The following ALMS1 variants were observed in gnomAD, a reference collection of about 807,000 sequenced individuals.
The protein encoded by ALMS1 is centrosome-associated protein ALMS1.
A neutral mutation model predicts 352.2 loss-of-function variants in ALMS1; 271 were observed. That is an observed-to-expected ratio of 0.77 (90% confidence interval 0.70 to 0.85). ALMS1 has a LOEUF of 0.85. ALMS1 is among the 40% of genes least tolerant of loss of function. ALMS1 has a pLI of 0.00. For missense variants in ALMS1, 5,445 were observed against 4,870.7 expected (o/e 1.12, Z -3.51); for synonymous variants, 1,865 against 1,761.2 (o/e 1.06, Z -1.48).
chr2:73,608,338 G>C, intron 21 of ALMS1, 137 bp from the exon 22 acceptor site: 2 of 718,102 alleles, frequency 2.8e-6, no homozygotes, highest in East Asian at 5.3e-5. Context: ...AGTATCTAAC[G>C]GGGCCCAGGG....
At chr2:73,538,912 A>T (rs990275295) in intron 12 of ALMS1, among the ~76,000 whole-genome samples, 2 of 152,186 alleles carry the variant, frequency 1.3e-5, no homozygotes, top group East Asian at 1.9e-4. Context: ...GGAGCCCACC[A>T]TACCTCAAGG....
At chr2:73,539,270 A>T (rs1213375923) in intron 12 of ALMS1, among the ~76,000 whole-genome samples, 1 of 152,222 alleles carries the variant, frequency 6.6e-6, no homozygotes, top group Non-Finnish European at 1.5e-5. Flanking sequence ...ACCCAGGCAA[A>T]TAGGGTCTGG....
At chr2:73,455,503 A>G (rs1346973408) in intron 9 of ALMS1, among the ~76,000 whole-genome samples, 11 of 152,172 alleles carry the variant, frequency 7.2e-5, no homozygotes. Context: ...TCTTAGACTC[A>G]AGGAATCCTC....
intron 15 of ALMS1, among the ~76,000 whole-genome samples, chr2:73,570,616 A>G (rs1674907177): frequency 7.5e-6 from 1 of 133,742 alleles, no homozygotes; most frequent in Non-Finnish European, 1.6e-5. Context: ...CATACATACT[A>G]AATGATGTTT....
At chr2:73,407,098 G>A (rs547347271) in intron 1 of ALMS1, among the ~76,000 whole-genome samples, 1 of 152,192 alleles carries the variant, frequency 6.6e-6, no homozygotes, top group African/African-American at 2.4e-5. Context: ...AAGGTCAAGG[G>A]TGAGGGCCTG....
Position 73,451,623 on chromosome 2 carries a change from C to G in ALMS1, c.5096C>G (p.Ala1699Gly), listed in dbSNP as rs749855539. 6.2e-7 allele frequency: 1 copy of G among 1,613,702 alleles called. No homozygotes were observed. The highest frequency in any genetic ancestry group is 1.1e-5 in the South Asian group (1 of 91,042). The change falls in exon 8 of 23, where the codon GCC (alanine) becomes GGC (glycine). Residue 1699 changes from alanine to glycine, a missense_variant. Physicochemically the swap from Ala to Gly is moderately conservative, Grantham distance 60. Coordinates refer to ENST00000613296, the MANE Select transcript of ALMS1 (RefSeq NM_001378454.1). ...LKVPPVPGPD[A>G]QKTETPSVSS... Reference sequence around the variant, plus strand: ...GTTCCACCTGTTCCTGGACCAGATGCCCAGAAGACTGAGACACCATCAGTA... The same window carrying G: ...GTTCCACCTGTTCCTGGACCAGATGGCCAGAAGACTGAGACACCATCAGTA...
intron 7 of ALMS1, among the ~76,000 whole-genome samples, chr2:73,435,566 T>A (rs193143833): frequency 5.9e-5 from 9 of 151,958 alleles, no homozygotes; most frequent in African/African-American, 2.2e-4. Context: ...ATTATTGTTA[T>A]ACATACTACT....
intron 16 of ALMS1, among the ~76,000 whole-genome samples, chr2:73,577,388 ATTTG>A (rs1259815937): frequency 5.3e-5 from 8 of 150,876 alleles, no homozygotes; most frequent in Non-Finnish European, 8.9e-5. Context: ...GTTTCTAGAA[ATTTG>A]TTTATCTTTT....
chr2:73,561,860 A>G (rs1213894396), intron 15 of ALMS1, among the ~76,000 whole-genome samples: 1 of 152,190 alleles, frequency 6.6e-6, no homozygotes, highest in African/African-American at 2.4e-5. Context: ...TCTAGAAGAT[A>G]AGAAAAATTT....
At chr2:73,483,338 G>A (rs1215187261) in intron 9 of ALMS1, among the ~76,000 whole-genome samples, 1 of 151,514 alleles carries the variant, frequency 6.6e-6, no homozygotes, top group Non-Finnish European at 1.5e-5. Flanking sequence ...GTACCCAGTA[G>A]TCATTCAGGA....
intron 1 of ALMS1, among the ~76,000 whole-genome samples, chr2:73,400,300 G>T (rs1670849283): frequency 6.6e-6 from 1 of 152,156 alleles, no homozygotes; most frequent in Non-Finnish European, 1.5e-5. Context: ...AAACCCACTT[G>T]TCATGATGTA....
chr2:73,441,316 CCTGAG>C (rs1245754806), intron 7 of ALMS1, among the ~76,000 whole-genome samples: 1 of 152,188 alleles, frequency 6.6e-6, no homozygotes, highest in Non-Finnish European at 1.5e-5. Flanking sequence ...AAAGTGCCTA[CCTGAG>C]CTGTCTTTTA....
intron 9 of ALMS1, among the ~76,000 whole-genome samples, chr2:73,485,717 A>G (rs1672822636): frequency 6.6e-6 from 1 of 152,068 alleles, no homozygotes. Context: ...TGTGCTAGCA[A>G]TCAGCGAGAC....
intron 16 of ALMS1, among the ~76,000 whole-genome samples, chr2:73,595,393 G>A (rs1448921098): frequency 6.6e-6 from 1 of 152,160 alleles, no homozygotes; most frequent in Non-Finnish European, 1.5e-5. Flanking sequence ...TATGTATATA[G>A]CATCAGATGT....
chr2:73,422,970 C>T lies in ALMS1; in HGVS notation c.760C>T (p.Leu254=), dbSNP rs774576999. The T allele has an allele frequency of 1.7e-5, 27 of 1,603,028 alleles. No homozygotes were observed. The highest frequency in any genetic ancestry group is 2.2e-5 in the Non-Finnish European group (26 of 1,170,162). Residue 254 remains leucine (L), a synonymous_variant, in exon 4 of 23, where the codon CTG becomes TTG. Coordinates refer to ENST00000613296, the MANE Select transcript of ALMS1 (RefSeq NM_001378454.1). ...TCAAAGTGAACTAAGTTTTGCACCT[C>T]TGAGGTAGGATGATTTATTTGCATG... The part of the protein sequence containing the change: ...FHQSELSFAP[L]RGIPDKSEDT...
At chr2:73,399,707 G>A (rs1670834333) in intron 1 of ALMS1, among the ~76,000 whole-genome samples, 1 of 151,934 alleles carries the variant, frequency 6.6e-6, no homozygotes, top group South Asian at 2.1e-4. Context: ...ATCAGAGAGG[G>A]AATCCTTGCC....
intron 3 of ALMS1, among the ~76,000 whole-genome samples, chr2:73,421,494 G>A (rs1222331446): frequency 1.3e-5 from 2 of 152,088 alleles, no homozygotes; most frequent in East Asian, 1.9e-4. Context: ...AGACCAAAGA[G>A]GAACTGTACC....
chr2:73,409,614 T>C (rs918608104), intron 2 of ALMS1, among the ~76,000 whole-genome samples: 4 of 152,164 alleles, frequency 2.6e-5, no homozygotes, highest in African/African-American at 9.7e-5. Flanking sequence ...AAAAAATTAG[T>C]TGGAAGAATA....
intron 7 of ALMS1, among the ~76,000 whole-genome samples, chr2:73,443,380 T>C (rs1045414156): frequency 5.2e-4 from 79 of 152,278 alleles, no homozygotes; most frequent in African/African-American, 1.7e-3. Context: ...TGCTTCCCTA[T>C]TTTTTATATG....
Sources: allele counts gnomAD v4.1 joint callset (sites outside exome capture counted in the v4.1 genomes callset), GRCh38; gene constraint gnomAD v4.1.1; transcripts MANE v1.5; gene names NCBI Gene and HGNC (gene_info 2026-07-23, HGNC 2026-07-21).